The following ARSG variants were observed in gnomAD, a reference collection of about 807,000 sequenced individuals.
The protein encoded by ARSG is ASG.
In ARSG, 37 loss-of-function variants were observed where a neutral mutation model predicts 50.5. That is an observed-to-expected ratio of 0.73 (90% CI 0.56 to 0.96). The LOEUF is 0.96. Ranked by LOEUF, ARSG falls within the 50% of genes least tolerant of loss-of-function variation. The probability of loss-of-function intolerance (pLI) is 0.00; values close to 1 mark genes in which losing one functional copy is unlikely to be tolerated. For synonymous variants in ARSG, 225 were observed against 254.6 expected (o/e 0.88, Z 1.11); for missense variants, 629 against 675.3 (o/e 0.93, Z 0.76).
At chr17:68,303,035 A>T (rs960443984) in intron 1 of ARSG, among the ~76,000 whole-genome samples, 4 of 152,208 alleles carry the variant, frequency 2.6e-5, no homozygotes, top group Non-Finnish European at 5.9e-5. Flanking sequence ...ATCAGATAAG[A>T]TCTGAGGGTA....
the ARSG span, chr17:68,436,451 G>A: frequency 2.5e-6 from 4 of 1,613,840 alleles, no homozygotes; most frequent in African/African-American, 5.3e-5. Flanking sequence ...GGTAAGAATT[G>A]GAATGGTTGA....
the ARSG span, chr17:68,444,558 T>G: frequency 6.2e-7 from 1 of 1,614,112 alleles, no homozygotes; most frequent in Non-Finnish European, 8.5e-7. Flanking sequence ...GTTGTGAATA[T>G]AAATGGACTC....
At chr17:68,335,447 G>A (rs1036408879) in intron 2 of ARSG, among the ~76,000 whole-genome samples, 1 of 151,594 alleles carries the variant, frequency 6.6e-6, no homozygotes, top group African/African-American at 2.4e-5. Flanking sequence ...CCAGCTACTC[G>A]GGAGGCTGAG....
At chr17:68,406,646 T>A (rs1183650884) in intron 11 of ARSG, among the ~76,000 whole-genome samples, 4 of 152,208 alleles carry the variant, frequency 2.6e-5, no homozygotes, top group African/African-American at 9.6e-5. Context: ...ACATTAAGCA[T>A]TTTTTCATGT....
intron 11 of ARSG, among the ~76,000 whole-genome samples, chr17:68,408,123 CTTTT>C (rs1202055643): frequency 6.6e-6 from 1 of 151,394 alleles, no homozygotes; most frequent in Non-Finnish European, 1.5e-5. Flanking sequence ...CTACATATTT[CTTTT>C]TTTATTATTA....
intron 1 of ARSG, among the ~76,000 whole-genome samples, chr17:68,306,323 G>A (rs1465693044): frequency 6.6e-6 from 1 of 152,044 alleles, no homozygotes; most frequent in Admixed American, 6.6e-5. Context: ...AACCCGGGAG[G>A]CGGAGGTTTC....
chr17:68,320,438 A>C (rs2145835132), intron 2 of ARSG, among the ~76,000 whole-genome samples: 1 of 152,294 alleles, frequency 6.6e-6, no homozygotes, highest in East Asian at 1.9e-4. Context: ...TTGTAGGCAG[A>C]AGGGAAGGCA....
Position 68,307,192 on chromosome 17 carries a change from A to C in ARSG, c.-302A>C, listed in dbSNP as rs751520364. On this transcript the variant is annotated 5_prime_UTR_variant, in exon 2 of 12. Transcript: ENST00000621439. Reference sequence around the variant, plus strand: ...TGATGTCTAATTATTGAACACGACCAGTCATTTTACTGAGCTGCGGTGAGG... The same window carrying C: ...TGATGTCTAATTATTGAACACGACCCGTCATTTTACTGAGCTGCGGTGAGG... The C allele has an allele frequency of 6.5e-5, 23 of 351,308 alleles. No homozygotes were observed. Among genetic ancestry groups the C allele is most frequent in the Non-Finnish European group, 1.0e-4 (20 of 193,398 alleles). 21.8% of individuals were successfully genotyped at this position (351,308 alleles called of 1,614,324 possible). A position where few individuals can be genotyped will look rare whatever the true frequency, so the allele number is the denominator to read the frequency against.
At chr17:68,298,852 A>G (rs1555759762) in intron 1 of ARSG, among the ~76,000 whole-genome samples, 1 of 151,986 alleles carries the variant, frequency 6.6e-6, no homozygotes, top group Non-Finnish European at 1.5e-5. Flanking sequence ...TCATGACCTC[A>G]TCTAAGCCTT....
intron 11 of ARSG, among the ~76,000 whole-genome samples, chr17:68,417,733 A>ATTATT (rs2082466963): frequency 1.6e-5 from 1 of 60,788 alleles, no homozygotes; most frequent in South Asian, 9.1e-4. Context: ...GAGTTGCTGA[A>ATTATT]TTTTTTTTTT....
At chr17:68,287,826 T>C (rs1467383851), upstream of ARSG, among the ~76,000 whole-genome samples, 1 of 152,176 alleles carries the variant, frequency 6.6e-6, no homozygotes, top group Non-Finnish European at 1.5e-5. Context: ...TTAAGTAAAG[T>C]CATGCACAGG....
intron 2 of ARSG, among the ~76,000 whole-genome samples, chr17:68,321,558 G>A (rs1555770582): frequency 6.6e-6 from 1 of 152,198 alleles, no homozygotes; most frequent in African/African-American, 2.4e-5. Context: ...TCCAGTCAGA[G>A]TTGCCACAGA....
At position 68,271,751 on chromosome 17, in the gene ARSG, G is replaced by A; in HGVS notation, c.-552+12325G>A. The stretch of plus-strand genomic sequence containing the variant: ...AAGAAGAAATATGGATCCAGATTTT[G>A]TTATAAGTTCTGTGGAAATTTATTA... On this transcript the variant is annotated intron_variant, in intron 1 of 11. Transcript: ENST00000448504. The surrounding 1 kb of genome is among the most constrained non-coding windows in gnomAD (Gnocchi z 5.3). The A allele has an allele frequency of 1.1e-6, 1 of 904,958 alleles. No homozygotes were observed. The highest frequency in any genetic ancestry group is 1.7e-6 in the Non-Finnish European group (1 of 596,606). The allele number at this position is 904,958 out of a possible 1,614,324, so 56.1% of individuals were successfully genotyped here. A position where few individuals can be genotyped will look rare whatever the true frequency, so the allele number is the denominator to read the frequency against.
At chr17:68,416,755 C>A (rs2082391055) in intron 11 of ARSG, among the ~76,000 whole-genome samples, 1 of 151,946 alleles carries the variant, frequency 6.6e-6, no homozygotes, top group Admixed American at 6.6e-5. Context: ...TTGTTCAATT[C>A]TATTGCTGAG....
chr17:68,289,838 T>A (rs74924933), upstream of ARSG, among the ~76,000 whole-genome samples: 11 of 152,298 alleles, frequency 7.2e-5, no homozygotes, highest in East Asian at 2.1e-3. Flanking sequence ...GTGGTACTCA[T>A]TACACTGGAA....
the ARSG span, chr17:68,450,856 T>A: frequency 6.2e-7 from 1 of 1,614,130 alleles, no homozygotes; most frequent in Non-Finnish European, 8.5e-7. Flanking sequence ...ACCAGGCTGC[T>A]GGAGAAGAGG....
chr17:68,401,205 G>T, intron 10 of ARSG, 155 bp from the exon 11 acceptor site: 1 of 641,018 alleles, frequency 1.6e-6, no homozygotes, highest in South Asian at 1.8e-5. Flanking sequence ...GTATTTTTTT[G>T]TAGGGAGGGG....
chr17:68,272,633 A>G, intron 1 of ARSG: 1 of 1,613,790 alleles, frequency 6.2e-7, no homozygotes, highest in Non-Finnish European at 8.5e-7. Flanking sequence ...GTTGTAGTCC[A>G]CCTACCTGGT....
chr17:68,277,440 T>C (rs782302057), intron 1 of ARSG, among the ~76,000 whole-genome samples: 1 of 150,412 alleles, frequency 6.6e-6, no homozygotes, highest in Non-Finnish European at 1.5e-5. Flanking sequence ...GCAACTTTTT[T>C]CTTTTTTGAG....
Sources: allele counts gnomAD v4.1 joint callset (sites outside exome capture counted in the v4.1 genomes callset), GRCh38; gene constraint gnomAD v4.1.1; non-coding constraint Gnocchi (gnomAD v3.1); transcripts MANE v1.5; gene names NCBI Gene and HGNC (gene_info 2026-07-23, HGNC 2026-07-21).